EDEM2: variants seen among roughly 807,000 people sequenced by gnomAD.
EDEM2 encodes ER degradation-enhancing alpha-mannosidase-like protein 2.
EDEM2 carries 39 observed loss-of-function variants against 64.8 expected under a neutral mutation model. The observed-to-expected ratio is 0.60, with a 90% CI of 0.47 to 0.79. The LOEUF (loss-of-function observed/expected upper bound fraction) is 0.79, where lower values mean the gene tolerates loss of function less well. Ranked by LOEUF, EDEM2 falls within the 30% of genes least tolerant of loss-of-function variation. EDEM2 has a pLI of 0.00. For synonymous variants in EDEM2, 296 were observed against 291.5 expected, an observed-to-expected ratio of 1.02 and a Z score of -0.16; for missense variants, 609 against 731.3, an observed-to-expected ratio of 0.83 and a Z score of 1.93.
chr20:35,125,626 C>T (rs890860973), intron 8 of EDEM2, among the ~76,000 whole-genome samples: 2 of 152,092 alleles, frequency 1.3e-5, no homozygotes, highest in South Asian at 2.1e-4. Flanking sequence ...CCTTGTGATC[C>T]GCCTGCCTCG....
intron 4 of EDEM2, 120 bp from the exon 5 acceptor site, chr20:35,138,125 C>G: frequency 7.5e-7 from 1 of 1,328,808 alleles, no homozygotes; most frequent in Non-Finnish European, 1.0e-6. Flanking sequence ...TTCTCAGGAC[C>G]TCCTGAAGCT....
chr20:35,121,534 C>T (rs771901880), intron 9 of EDEM2, among the ~76,000 whole-genome samples: 10 of 152,178 alleles, frequency 6.6e-5, no homozygotes, highest in Non-Finnish European at 1.3e-4. Context: ...TACCGGTCCA[C>T]GGCCTGGGGG....
chr20:35,118,336 C>T (rs2085330828), intron 10 of EDEM2, among the ~76,000 whole-genome samples: 2 of 152,200 alleles, frequency 1.3e-5, no homozygotes, highest in African/African-American at 4.8e-5. Context: ...AAGATCTCCA[C>T]TGTGGGAGGA....
At chr20:35,120,813 G>T (rs981943252) in intron 9 of EDEM2, among the ~76,000 whole-genome samples, 1 of 152,102 alleles carries the variant, frequency 6.6e-6, no homozygotes, top group African/African-American at 2.4e-5. Context: ...GGTCAGGCTG[G>T]TCTCGAACTC....
intron 7 of EDEM2, among the ~76,000 whole-genome samples, chr20:35,129,598 A>C (rs953364510): frequency 6.6e-6 from 1 of 151,808 alleles, no homozygotes; most frequent in African/African-American, 2.4e-5. Flanking sequence ...TTATTACTGG[A>C]GAAAGAAAAA....
intron 3 of EDEM2, among the ~76,000 whole-genome samples, chr20:35,144,633 C>T (rs1281465522): frequency 2.0e-5 from 3 of 152,190 alleles, no homozygotes; most frequent in Admixed American, 1.3e-4. Flanking sequence ...CATGCTCAGC[C>T]TGATACCCTT....
Position 35,115,867 on chromosome 20 carries a change from TCA to T in EDEM2, c.1301_1302del (p.Val434GlufsTer8). 3.7e-6 allele frequency: 6 copies of T among 1,613,868 alleles called. No homozygotes were observed. Among genetic ancestry groups the T allele is most frequent in the Non-Finnish European group, 5.1e-6 (6 of 1,180,020 alleles). On this transcript the variant is annotated frameshift_variant, in exon 11 of 11. Transcript: ENST00000374492. LOFTEE classifies it high-confidence loss of function. Reference protein sequence around the residue: ...RMESFFLAETVKYLYLLFDPT... With the variant: ...RMESFFLAETXKYLYLLFDPT... ...GGGTCAAACAGGAGGTAGAGGTATT[TCA>T]CAGTCTCGGCCAGGAAGAACGACTC...
intron 6 of EDEM2, among the ~76,000 whole-genome samples, chr20:35,133,548 C>T (rs532767176): frequency 6.6e-6 from 1 of 151,816 alleles, no homozygotes; most frequent in Non-Finnish European, 1.5e-5. Context: ...CTCATCCCAA[C>T]CTCCACCTCC....
intron 8 of EDEM2, among the ~76,000 whole-genome samples, chr20:35,125,574 T>TG (rs1275551539): frequency 6.6e-6 from 1 of 151,762 alleles, no homozygotes; most frequent in Non-Finnish European, 1.5e-5. Context: ...TTAGTAGAGA[T>TG]GGGGTTTCAC....
At chr20:35,124,267 A>G (rs73279928) in intron 8 of EDEM2, among the ~76,000 whole-genome samples, 1 of 152,120 alleles carries the variant, frequency 6.6e-6, no homozygotes, top group Non-Finnish European at 1.5e-5. Flanking sequence ...CAAAGATTGT[A>G]TATTAAGTCC....
chr20:35,118,944 G>A (rs1029500780), intron 9 of EDEM2, among the ~76,000 whole-genome samples: 1 of 152,234 alleles, frequency 6.6e-6, no homozygotes, highest in African/African-American at 2.4e-5. Flanking sequence ...TCCACCACAA[G>A]GGAGAGAAAG....
chr20:35,139,337 GA>G, intron 4 of EDEM2, among the ~76,000 whole-genome samples: 1 of 138,666 alleles, frequency 7.2e-6, no homozygotes, highest in East Asian at 2.1e-4. Context: ...GTGACAGAGT[GA>G]GACTCCGTCT....
intron 6 of EDEM2, among the ~76,000 whole-genome samples, chr20:35,133,117 T>C (rs11908683): frequency 0.091 from 13,901 of 152,110 alleles, 721 homozygotes; most frequent in South Asian, 0.16. Flanking sequence ...AGCTTAGGAA[T>C]TCAGTGTAGA....
Position 35,147,141 on chromosome 20 carries a change from T to C in EDEM2, c.107+11A>G. 1.3e-6 allele frequency: 2 copies of C among 1,598,896 alleles called. No individual in the cohort carries two copies. Among genetic ancestry groups the C allele is most frequent in the Non-Finnish European group, 8.5e-7 (1 of 1,170,514 alleles). ...CATTCCCCAACTGCGAAAGGGCGGG[T>C]CACAGTTCACCTGTAGTGGGCGGGA... On this transcript the variant is annotated intron_variant, in intron 1 of 10. Coordinates refer to ENST00000374492, the MANE Select transcript of EDEM2 (RefSeq NM_018217.3).
At position 35,146,859 on chromosome 20, in the gene EDEM2, G is replaced by T. The variant is rs772650001; in HGVS notation, c.184C>A (p.Pro62Thr). The T allele has an allele frequency of 6.2e-7, 1 of 1,614,182 alleles. No homozygotes were observed. The highest frequency in any genetic ancestry group is 8.5e-7 in the Non-Finnish European group (1 of 1,180,020). Residue 62 changes from proline (P) to threonine (T), a missense_variant, in exon 2 of 11, where the codon CCT (proline) becomes ACT (threonine). Pro to Thr is a conservative substitution (Grantham distance 38, BLOSUM62 -1). Coordinates refer to ENST00000374492, the MANE Select transcript of EDEM2 (RefSeq NM_018217.3). ...GTGTCGTGCCCGTCACAGGTGAGAGGTCGCAGCTCATCGAAGGGAAAGGCA... is the reference window on the plus strand; with the variant it reads ...GTGTCGTGCCCGTCACAGGTGAGAGTTCGCAGCTCATCGAAGGGAAAGGCA... The part of the protein sequence containing the change: ...ENAFPFDELR[P>T]LTCDGHDTWG...
chr20:35,124,116 TC>T (rs2085402201), intron 8 of EDEM2, 82 bp from the exon 9 acceptor site: 2 of 1,530,008 alleles, frequency 1.3e-6, no homozygotes, highest in Non-Finnish European at 1.8e-6. Flanking sequence ...CAAAGTAAAA[TC>T]TGTGGGGCCA....
intron 9 of EDEM2, among the ~76,000 whole-genome samples, chr20:35,119,890 T>G (rs886831412): frequency 4.6e-5 from 7 of 152,208 alleles, no homozygotes; most frequent in African/African-American, 1.4e-4. Flanking sequence ...AAGGGTGGCC[T>G]CAGCTCAGTA....
Position 35,115,887 on chromosome 20 carries a change from AACG to A in EDEM2, c.1280_1282del (p.Ser427del). 6.2e-7 allele frequency: 1 copy of A among 1,613,626 alleles called. No homozygotes were observed. Among genetic ancestry groups the A allele is most frequent in the Non-Finnish European group, 8.5e-7 (1 of 1,179,752 alleles). On this transcript the variant is annotated inframe_deletion, in exon 11 of 11. Transcript: ENST00000374492. ...GTATTTCACAGTCTCGGCCAGGAAGAACGACTCCATGCGGTTGTCCAGCTTGTG... is the reference window on the plus strand; with the variant it reads ...GTATTTCACAGTCTCGGCCAGGAAGAACTCCATGCGGTTGTCCAGCTTGTG...
intron 9 of EDEM2, among the ~76,000 whole-genome samples, chr20:35,121,437 C>T (rs1360567626): frequency 6.6e-6 from 1 of 152,168 alleles, no homozygotes; most frequent in East Asian, 1.9e-4. Flanking sequence ...CGATGAGGAG[C>T]AGCTATAAAT....
Sources: allele counts gnomAD v4.1 joint callset (sites outside exome capture counted in the v4.1 genomes callset), GRCh38; gene constraint gnomAD v4.1.1; transcripts MANE v1.5; gene names NCBI Gene and HGNC (gene_info 2026-07-23, HGNC 2026-07-21).